Variants in ANAPC5 observed in about 807,000 individuals in gnomAD.
ANAPC5 encodes anaphase-promoting complex subunit 5.
ANAPC5 carries 60 observed loss-of-function variants against 91.3 expected under a neutral mutation model. That is an observed-to-expected ratio of 0.66 (90% confidence interval 0.53 to 0.81). ANAPC5 has a LOEUF of 0.81. Among genes scored for constraint, ANAPC5 ranks in the 40% least tolerant of loss-of-function variants. The pLI is 0.00. For synonymous variants in ANAPC5, 340 were observed against 364.1 expected (o/e 0.93, Z 0.75); for missense variants, 690 against 931.5 (o/e 0.74, Z 3.37).
chr12:121,330,792 C>CT, intron 8 of ANAPC5, 120 bp from the exon 9 acceptor site: 1 of 726,464 alleles, frequency 1.4e-6, no homozygotes, highest in East Asian at 2.8e-5. Context: ...CTCAAATACT[C>CT]TTTCAAGAAA....
chr12:121,330,943 C>T, intron 8 of ANAPC5: 2 of 432,338 alleles, frequency 4.6e-6, no homozygotes, highest in Non-Finnish European at 8.4e-6. Flanking sequence ...TCCCATATGG[C>T]CTTCAATTGA....
chr12:121,312,264 A>G (rs1019978060), intron 15 of ANAPC5, among the ~76,000 whole-genome samples: 1 of 152,168 alleles, frequency 6.6e-6, no homozygotes, highest in African/African-American at 2.4e-5. Flanking sequence ...TGAGGTGTAT[A>G]AAAATACCAC....
At chr12:121,351,924 C>CA (rs34467784) in intron 1 of ANAPC5, among the ~76,000 whole-genome samples, 2,138 of 140,500 alleles carry the variant, frequency 0.015, 40 homozygotes, top group African/African-American at 0.043. Flanking sequence ...CATGAACTTG[C>CA]AAAAAAAAAA....
chr12:121,344,136 CTACTAAACACT>C (rs1903566346), intron 4 of ANAPC5, among the ~76,000 whole-genome samples: 3 of 152,260 alleles, frequency 2.0e-5, no homozygotes, highest in Middle Eastern at 3.4e-3. Context: ...GTCAGGCACT[CTACTAAACACT>C]GGGGAAATGT....
chr12:121,335,841 G>A (rs923675629), intron 6 of ANAPC5, 118 bp from the exon 7 acceptor site: 8 of 810,216 alleles, frequency 9.9e-6, no homozygotes, highest in Non-Finnish European at 1.5e-5. Flanking sequence ...CTAATAAGAT[G>A]GTCATAGTTT....
chr12:121,310,028 G>T (rs1412223857), intron 15 of ANAPC5, 165 bp from the exon 16 acceptor site: 9 of 531,350 alleles, frequency 1.7e-5, no homozygotes, highest in Non-Finnish European at 2.8e-5. Flanking sequence ...AACACAACAT[G>T]TGACAATCTG....
At chr12:121,327,296 C>A in intron 10 of ANAPC5, 65 bp from the exon 11 acceptor site, 2 of 1,586,402 alleles carry the variant, frequency 1.3e-6, no homozygotes, top group East Asian at 2.3e-5. Flanking sequence ...TGGCCATGCC[C>A]GTCAGCTATC....
At position 121,326,985 on chromosome 12, in the gene ANAPC5, T is replaced by C; in HGVS notation, c.1440+111A>G. The C allele has an allele frequency of 4.4e-6, 6 of 1,368,110 alleles. 1 individual carries two copies. The South Asian group carries it at 8.1e-5, about 19-fold the overall frequency. The allele number at this position is 1,368,110 out of a possible 1,614,324, so 84.7% of individuals were successfully genotyped here. ...TGGGATTTCACTCTTTCAGCCACAG[T>C]GTCGAGCAGAACTGTCCAACACGTG... On this transcript the variant is annotated intron_variant, in intron 11 of 16. Transcript: ENST00000261819.
In ANAPC5 at chr12:121,352,198, C is replaced by T. The variant is rs1903921607; in HGVS notation, c.143G>A (p.Gly48Asp). The T allele has an allele frequency of 3.7e-6, 6 of 1,613,914 alleles. No individual in the cohort carries two copies. Among genetic ancestry groups the T allele is most frequent in the Non-Finnish European group, 5.1e-6 (6 of 1,179,962 alleles). ...CTCCATGAGGCTGACGGCGCCCTCGCCTGTGCGGCTCATCTCGTTCAGCAG... is the reference window on the plus strand; with the variant it reads ...CTCCATGAGGCTGACGGCGCCCTCGTCTGTGCGGCTCATCTCGTTCAGCAG... ...LVLLNEMSRTGEGAVSLMERR... is the reference protein window; with the variant it reads ...LVLLNEMSRTDEGAVSLMERR... The change falls in exon 1 of 17, where the codon GGC becomes GAC. Residue 48 changes from glycine (G) to aspartate (D), a missense_variant. Physicochemically the swap from Gly to Asp is moderately conservative, Grantham distance 94. Coordinates refer to ENST00000261819, the MANE Select transcript of ANAPC5 (RefSeq NM_016237.5).
intron 4 of ANAPC5, 138 bp downstream of exon 4, chr12:121,345,701 T>C: frequency 1.1e-6 from 1 of 877,306 alleles, no homozygotes; most frequent in Non-Finnish European, 1.8e-6. Context: ...GGTGCAGCCC[T>C]TATCAGTTAA....
intron 10 of ANAPC5, chr12:121,327,699 G>A (rs1468955853): frequency 6.0e-6 from 1 of 165,744 alleles, no homozygotes; most frequent in Non-Finnish European, 1.3e-5. Context: ...TGAATTCCTA[G>A]AAACAGACTG....
chr12:121,318,699 A>G (rs1175391991), intron 13 of ANAPC5, 91 bp from the exon 14 acceptor site: 11 of 1,169,436 alleles, frequency 9.4e-6, no homozygotes, highest in Non-Finnish European at 1.4e-5. Flanking sequence ...TAAACCTCCC[A>G]AGGGAAAAAA....
intron 15 of ANAPC5, among the ~76,000 whole-genome samples, chr12:121,312,184 T>C (rs1293760525): frequency 6.6e-6 from 1 of 152,134 alleles, no homozygotes; most frequent in Non-Finnish European, 1.5e-5. Context: ...CACAAATATG[T>C]GGAAATTAAC....
chr12:121,353,435 C>CTTTTG (rs61516038), upstream of ANAPC5, among the ~76,000 whole-genome samples: 793 of 150,936 alleles, frequency 5.3e-3, 6 homozygotes, highest in African/African-American at 0.016. Flanking sequence ...TGCCTTGTGC[C>CTTTTG]TTTTGTTTTG....
chr12:121,349,829 C>T lies in ANAPC5; in HGVS notation c.208-1948G>A, dbSNP rs187125352. On this transcript the variant is annotated intron_variant, in intron 1 of 16. Transcript: ENST00000261819. ...TTCAAATGATTTCCTGCCTCAGCCT[C>T]CCGAGTAGCTGGGACTACAGGCGCA... Among the ~76,000 whole-genome samples, 1,013 of 151,130 alleles carry T rather than the reference C, an allele frequency of 6.7e-3. 12 individuals carry two copies. Among genetic ancestry groups the T allele is most frequent in the African/African-American group, 0.023 (964 of 41,218 alleles).
Position 121,342,631 on chromosome 12 carries a change from C to A in ANAPC5, c.591-562G>T, listed in dbSNP as rs1006777588. On this transcript the variant is annotated intron_variant, in intron 4 of 16. Coordinates refer to ENST00000261819, the MANE Select transcript of ANAPC5 (RefSeq NM_016237.5). This position sits in a 1 kb window ranked among gnomAD's most constrained non-coding sequence, Gnocchi z 4.1. ...ATCCCAGCACTTTGGGAGGCCAAGG[C>A]AGGTGGATCACAAGGTCAAGAGATC... Among the ~76,000 whole-genome samples, 2 of 152,214 alleles carry A rather than the reference C, an allele frequency of 1.3e-5. No homozygotes were observed. Among genetic ancestry groups the A allele is most frequent in the Non-Finnish European group, 2.9e-5 (2 of 68,044 alleles).
intron 5 of ANAPC5, among the ~76,000 whole-genome samples, chr12:121,339,868 GTTTTTTTTT>G (rs71079054): frequency 0.058 from 6,061 of 104,588 alleles, 339 homozygotes; most frequent in East Asian, 0.19. Flanking sequence ...TTTTCTTCCA[GTTTTTTTTT>G]TTTTTTTTTT....
chr12:121,335,583 C>T lies in ANAPC5; in HGVS notation c.900G>A (p.Leu300=). 6.2e-7 allele frequency: 1 copy of T among 1,613,862 alleles called. No individual in the cohort carries two copies. The highest frequency in any genetic ancestry group is 1.1e-5 in the South Asian group (1 of 91,074). The change falls in exon 7 of 17, where the codon TTG becomes TTA. Residue 300 remains leucine (L), a synonymous_variant. Coordinates refer to ENST00000261819, the MANE Select transcript of ANAPC5 (RefSeq NM_016237.5). ...CGGCAAGATTCAGAGCGGCGTATCT[C>T]AAGCTCCGGCCATAGCCCTCTTCCC... ...SNGEEGYGRS[L]RYAALNLAAL...
intron 15 of ANAPC5, among the ~76,000 whole-genome samples, chr12:121,316,389 A>C (rs981547160): frequency 8.5e-5 from 13 of 152,186 alleles, no homozygotes; most frequent in South Asian, 2.1e-4. Context: ...TAAGAAGTTA[A>C]ACACAAAATT....
Sources: allele counts gnomAD v4.1 joint callset (sites outside exome capture counted in the v4.1 genomes callset), GRCh38; gene constraint gnomAD v4.1.1; non-coding constraint Gnocchi (gnomAD v3.1); transcripts MANE v1.5; gene names NCBI Gene and HGNC (gene_info 2026-07-23, HGNC 2026-07-21).